SEMA4G: variants seen among roughly 807,000 people sequenced by gnomAD.
SEMA4G encodes the protein semaphorin 4G.
SEMA4G carries 59 observed loss-of-function variants against 81.2 expected under a neutral mutation model. That is an observed-to-expected ratio of 0.73 (90% CI 0.59 to 0.90). The LOEUF (loss-of-function observed/expected upper bound fraction) is 0.90, where lower values mean the gene tolerates loss of function less well. Ranked by LOEUF, SEMA4G falls within the 40% of genes least tolerant of loss-of-function variation. The pLI is 0.00. For synonymous variants in SEMA4G, 404 were observed against 433.9 expected, an observed-to-expected ratio of 0.93 and a Z score of 0.86; for missense variants, 952 against 1,102.3, an observed-to-expected ratio of 0.86 and a Z score of 1.93.
rs749539011 is a variant in SEMA4G at position 100,983,690 on chromosome 10, C to G, written c.2076C>G (p.Ala692=). 1.9e-6 allele frequency: 3 copies of G among 1,613,586 alleles called. No homozygotes were observed. In the Admixed American group the frequency reaches 5.0e-5, roughly 27 times the overall value. ...TTGGTGGCCTCTGCCTCATCCTGGC[C>G]TCCTCCCTCCTCTATGTGGCCTGTC... Residue 692 remains alanine, a synonymous_variant, in exon 14 of 14, where the codon GCC becomes GCG. Transcript: ENST00000370250.
At chr10:100,971,991 G>A (rs954536349), upstream of SEMA4G, among the ~76,000 whole-genome samples, 13 of 152,194 alleles carry the variant, frequency 8.5e-5, no homozygotes, top group South Asian at 2.1e-4. Context: ...ACAGACTGGC[G>A]TGGGCAGAGA....
At chr10:100,983,232 G>T in intron 13 of SEMA4G, 73 bp from the exon 15 acceptor site, 1 of 1,442,570 alleles carries the variant, frequency 6.9e-7, no homozygotes, top group South Asian at 1.5e-5. Context: ...ACTTGGCAGT[G>T]AACAGTCTGG....
chr10:100,971,064 T>C (rs1269163769), upstream of SEMA4G, among the ~76,000 whole-genome samples: 1 of 152,220 alleles, frequency 6.6e-6, no homozygotes, highest in Non-Finnish European at 1.5e-5. Context: ...CCTGTGAGTA[T>C]ATGTGTGAAT....
intron 10 of SEMA4G, 55 bp from the exon 12 acceptor site, chr10:100,980,523 G>A: frequency 6.6e-7 from 1 of 1,506,204 alleles, no homozygotes; most frequent in Non-Finnish European, 9.2e-7. Context: ...CTCTTGCAGG[G>A]TGCTGAGAGC....
intron 8 of SEMA4G, 33 bp from the exon 10 acceptor site, chr10:100,979,815 A>G: frequency 6.2e-7 from 1 of 1,609,822 alleles, no homozygotes; most frequent in Non-Finnish European, 8.5e-7. Flanking sequence ...GACTCCATGT[A>G]ACTCACCCCC....
intron 7 of SEMA4G, 30 bp from the exon 9 acceptor site, chr10:100,979,072 G>A (rs2133877389): frequency 6.2e-7 from 1 of 1,613,160 alleles, no homozygotes; most frequent in Non-Finnish European, 8.5e-7. Flanking sequence ...TCTGACCCTG[G>A]CCCCTTATCC....
upstream of SEMA4G, chr10:100,969,995 G>T (rs977715685): frequency 9.4e-6 from 4 of 426,882 alleles, no homozygotes; most frequent in Non-Finnish European, 2.0e-5. Context: ...CGGGGGAGGG[G>T]CTCTCTCAAG....
chr10:100,984,543 T>C (rs551143626), exon 14 of SEMA4G: 2 of 1,536,196 alleles, frequency 1.3e-6, no homozygotes, highest in Admixed American at 2.0e-5. Flanking sequence ...TGCATGGCCC[T>C]GTGTGCTGGA....
At chr10:100,977,756 T>G in intron 4 of SEMA4G, 26 bp downstream of exon 5, 1 of 1,568,452 alleles carries the variant, frequency 6.4e-7, no homozygotes, top group Non-Finnish European at 8.8e-7. Flanking sequence ...TTGTGCCAGA[T>G]CTCTGTTGAC....
chr10:100,979,024 T>C lies in SEMA4G; in HGVS notation c.813+6T>C, dbSNP rs1042929380. The C allele has an allele frequency of 9.3e-6, 15 of 1,613,626 alleles. No homozygotes were observed. Among genetic ancestry groups the C allele is most frequent in the African/African-American group, 1.3e-5 (1 of 74,892 alleles). On this transcript the variant is annotated splice_donor_region_variant and intron_variant, in intron 7 of 13. Coordinates refer to ENST00000370250, the Ensembl canonical transcript of SEMA4G. The stretch of plus-strand genomic sequence containing the variant: ...GTGTGGCTCGTGTCTGCAAGGTGGA[T>C]TGGGCTGACGTTGGGGCACGGGTAT...
rs368653189 is a variant in SEMA4G at position 100,979,283 on chromosome 10, G to T, written c.983+12G>T. On this transcript the variant is annotated intron_variant, in intron 8 of 13. Coordinates refer to ENST00000370250, the Ensembl canonical transcript of SEMA4G. Reference sequence around the variant, plus strand: ...CTGAGCACACAGTGGTCAGTGCAGGGACAATCGGGAGGCAAGAAACTGCGG... The same window carrying T: ...CTGAGCACACAGTGGTCAGTGCAGGTACAATCGGGAGGCAAGAAACTGCGG... The T allele has an allele frequency of 6.2e-7, 1 of 1,614,072 alleles. No individual in the cohort carries two copies. Among genetic ancestry groups the T allele is most frequent in the African/African-American group, 1.3e-5 (1 of 74,926 alleles).
At chr10:100,978,420 G>T (rs1284219276) in intron 5 of SEMA4G, 32 bp downstream of exon 6, 6 of 1,606,064 alleles carry the variant, frequency 3.7e-6, no homozygotes, top group Non-Finnish European at 5.1e-6. Context: ...TCACAGACAT[G>T]GTATTTTTAG....
exon 14 of SEMA4G, chr10:100,984,754 C>T: frequency 1.3e-6 from 2 of 1,536,136 alleles, no homozygotes; most frequent in Non-Finnish European, 1.7e-6. Context: ...TCCCCAGCCC[C>T]ATGTGGTGAC....
At chr10:100,979,233 T>A (rs1235341225) in exon 8 of SEMA4G, 8 of 1,614,038 alleles carry the variant, frequency 5.0e-6, no homozygotes, top group Non-Finnish European at 6.8e-6. Context: ...CCTCAAGCCG[T>A]ACACACTTCT....
In SEMA4G at chr10:100,980,810, T is replaced by C; in HGVS notation, c.1468-12T>C. On this transcript the variant is annotated splice_polypyrimidine_tract_variant and intron_variant, in intron 11 of 13. Transcript: ENST00000370250. ...GGGACGCTGCCGACCAACTGTCCTA[T>C]CTGGCTCCCAGCACAGCCTCTATGT... The C allele has an allele frequency of 6.4e-7, 1 of 1,567,064 alleles. No homozygotes were observed. Among genetic ancestry groups the C allele is most frequent in the Non-Finnish European group, 8.6e-7 (1 of 1,160,920 alleles).
chr10:100,978,199 C>T, intron 4 of SEMA4G, 96 bp from the exon 6 acceptor site: 1 of 827,368 alleles, frequency 1.2e-6, no homozygotes, highest in Non-Finnish European at 2.0e-6. Flanking sequence ...TGCCCCTATC[C>T]CTGATCGCTG....
chr10:100,979,712 A>C, intron 8 of SEMA4G, 136 bp from the exon 10 acceptor site: 1 of 988,920 alleles, frequency 1.0e-6, no homozygotes, highest in Non-Finnish European at 1.5e-6. Flanking sequence ...GCAGTGGTCC[A>C]CTGACTCACA....
chr10:100,974,869 TG>T, intron 3 of SEMA4G: 1 of 410,056 alleles, frequency 2.4e-6, no homozygotes, highest in Non-Finnish European at 4.7e-6. Context: ...CTCAACACTT[TG>T]GGAGGCCAAG....
chr10:100,978,989 C>T (rs770726629), exon 7 of SEMA4G: 8 of 1,614,002 alleles, frequency 5.0e-6, no homozygotes, highest in African/African-American at 1.3e-5. Flanking sequence ...CAGCAGTCAC[C>T]GTGTGGCCCG....
Sources: gnomAD v4.1 joint callset for allele counts (sites outside exome capture counted in the v4.1 genomes callset) on GRCh38, gnomAD v4.1.1 for gene constraint, MANE v1.5 for transcripts, NCBI Gene and HGNC (gene_info 2026-07-23, HGNC 2026-07-21) for gene names.